The following C10orf90 variants were observed in gnomAD, a reference collection of about 807,000 sequenced individuals.
The protein encoded by C10orf90 is chromosome 10 open reading frame 90, also known as (E2-independent) E3 ubiquitin-conjugating enzyme FATS.
A neutral mutation model predicts 62.5 loss-of-function variants in C10orf90; 56 were observed. That is an observed-to-expected ratio of 0.90 (90% CI 0.72 to 1.12). The LOEUF (loss-of-function observed/expected upper bound fraction) is 1.12, where lower values mean the gene tolerates loss of function less well. C10orf90 is among the 50% of genes most tolerant of loss of function. The pLI is 0.00. For missense variants in C10orf90, 970 were observed against 880.4 expected (o/e 1.10, Z -1.29); for synonymous variants, 386 against 340.4 (o/e 1.13, Z -1.47).
At chr10:126,576,700 T>TAC (rs1401481284) in intron 2 of C10orf90, among the ~76,000 whole-genome samples, 9 of 35,546 alleles carry the variant, frequency 2.5e-4, no homozygotes, top group East Asian at 5.3e-4. Context: ...CATGTATATG[T>TAC]ATATGTATAT....
intron 2 of C10orf90, among the ~76,000 whole-genome samples, chr10:126,555,577 G>T (rs534934219): frequency 2.0e-5 from 3 of 151,968 alleles, no homozygotes; most frequent in African/African-American, 7.3e-5. Flanking sequence ...TACTCGGGAG[G>T]CTGAGGCAGG....
At position 126,453,902 on chromosome 10, in the gene C10orf90, A is replaced by C. The variant is rs927061661; in HGVS notation, c.2188+5138T>G. 6.6e-6 allele frequency among the ~76,000 whole-genome samples: 1 copy of C among 152,076 alleles called. No homozygotes were observed. The highest frequency in any genetic ancestry group is 2.4e-5 in the African/African-American group (1 of 41,410). On this transcript the variant is annotated intron_variant, in intron 7 of 9. Coordinates refer to ENST00000488181, the MANE Select transcript of C10orf90 (RefSeq NM_001350921.2). This position sits in a 1 kb window ranked among gnomAD's most constrained non-coding sequence, Gnocchi z 4.9. ...ATCATGAGTGTTTTTGGAGTGAAGGAAGGACAGGAAATGAGACCAACTGGA... is the reference window on the plus strand; with the variant it reads ...ATCATGAGTGTTTTTGGAGTGAAGGCAGGACAGGAAATGAGACCAACTGGA...
intron 2 of C10orf90, among the ~76,000 whole-genome samples, chr10:126,527,352 C>A (rs6597776): frequency 0.89 from 135,175 of 152,244 alleles, 60,207 homozygotes; most frequent in African/African-American, 0.96. Context: ...GGCCATTTGC[C>A]TTTCTTCTTT....
In C10orf90 at chr10:126,504,981, C is replaced by T. The variant is rs373665713; in HGVS notation, c.510G>A (p.Pro170=). ...GTGCACGAGACTGAGCAATGGCACA[C>T]GGTAGGGGCAAGGAGGCCCTGTTTT... is the stretch of plus-strand genomic sequence containing the variant. The part of the protein sequence containing the change: ...SRENRASLPL[P]CAIAQSRAHH... The change falls in exon 4 of 10, where the codon CCG becomes CCA. Residue 170 remains proline, a synonymous_variant. Coordinates refer to ENST00000488181, the MANE Select transcript of C10orf90 (RefSeq NM_001350921.2). This position sits in a 1 kb window ranked among gnomAD's most constrained non-coding sequence, Gnocchi z 4.1. The T allele has an allele frequency of 6.2e-7, 1 of 1,614,226 alleles. No individual in the cohort carries two copies. The highest frequency in any genetic ancestry group is 8.5e-7 in the Non-Finnish European group (1 of 1,180,038).
In C10orf90 at chr10:126,501,713, C is replaced by T. The variant is rs556554659; in HGVS notation, c.1534+2244G>A. Among the ~76,000 whole-genome samples, 3 of 152,266 alleles carry T rather than the reference C, an allele frequency of 2.0e-5. No homozygotes were observed. In the South Asian group the frequency reaches 6.2e-4, roughly 32 times the overall value. The stretch of plus-strand genomic sequence containing the variant: ...TTCTTCCAAATGTGGTCTATATATA[C>T]ACCATGGACTACTACTAAGCCATTA... On this transcript the variant is annotated intron_variant, in intron 4 of 9. Coordinates refer to ENST00000488181, the MANE Select transcript of C10orf90 (RefSeq NM_001350921.2).
At chr10:126,457,583 T>C (rs1859667223) in intron 7 of C10orf90, among the ~76,000 whole-genome samples, 1 of 152,216 alleles carries the variant, frequency 6.6e-6, no homozygotes, top group Non-Finnish European at 1.5e-5. Context: ...ATGTGAGTCT[T>C]GAGCTCTAAA....
intron 2 of C10orf90, among the ~76,000 whole-genome samples, chr10:126,537,728 T>C (rs1864272082): frequency 6.6e-6 from 1 of 152,234 alleles, no homozygotes; most frequent in South Asian, 2.1e-4. Context: ...CTGAAGGTAA[T>C]TCCCAGGTTT....
chr10:126,520,042 T>A (rs1467213154), intron 2 of C10orf90: 1 of 152,364 alleles, frequency 6.6e-6, no homozygotes, highest in African/African-American at 2.4e-5. Context: ...ACCAAACGCC[T>A]GACTTCATCT....
chr10:126,530,124 A>C (rs1273544496), intron 2 of C10orf90, among the ~76,000 whole-genome samples: 1 of 152,224 alleles, frequency 6.6e-6, no homozygotes, highest in Non-Finnish European at 1.5e-5. Context: ...GAAAACAACA[A>C]AAATGTTCTT....
intron 1 of C10orf90, among the ~76,000 whole-genome samples, chr10:126,657,641 G>A (rs1344561155): frequency 6.9e-6 from 1 of 145,270 alleles, no homozygotes; most frequent in African/African-American, 2.6e-5. Flanking sequence ...TTGAGACAGA[G>A]TTTCACTCAT....
chr10:126,461,576 G>T lies in C10orf90; in HGVS notation c.1835C>A (p.Thr612Lys), dbSNP rs1208054650. 6.2e-7 allele frequency: 1 copy of T among 1,613,596 alleles called. No homozygotes were observed. Among genetic ancestry groups the T allele is most frequent in the South Asian group, 1.1e-5 (1 of 90,964 alleles). Residue 612 changes from threonine to lysine, a missense_variant, in exon 6 of 10, where the codon ACA becomes AAA. Physicochemically the swap from Thr to Lys is moderately conservative, Grantham distance 78 (BLOSUM62 -1). Transcript: ENST00000488181. The part of the protein sequence containing the change: ...IESKFPKGDY[T>K]CCDLVVKIKE... The stretch of plus-strand genomic sequence containing the variant: ...TATTTTTACAACCAAGTCACAGCAT[G>T]TGTAATCTCCTAGGAGAGAAGATTT...
chr10:126,562,338 T>C (rs1864921450), intron 2 of C10orf90, among the ~76,000 whole-genome samples: 1 of 152,028 alleles, frequency 6.6e-6, no homozygotes, highest in Admixed American at 6.6e-5. Flanking sequence ...GCTGGGCCTC[T>C]CCCTAGAGTG....
At chr10:126,618,501 C>G (rs1845586211) in intron 2 of C10orf90, among the ~76,000 whole-genome samples, 1 of 152,180 alleles carries the variant, frequency 6.6e-6, no homozygotes, top group Non-Finnish European at 1.5e-5. Context: ...TTAATTTACA[C>G]TTGCTTGATC....
chr10:126,482,221 T>C (rs917711804), intron 4 of C10orf90, among the ~76,000 whole-genome samples: 2 of 152,244 alleles, frequency 1.3e-5, no homozygotes, highest in African/African-American at 4.8e-5. Context: ...TCTTTTGTTA[T>C]AGGGGTATCA....
At chr10:126,566,697 G>A (rs1844397718) in intron 2 of C10orf90, among the ~76,000 whole-genome samples, 1 of 152,224 alleles carries the variant, frequency 6.6e-6, no homozygotes, top group Admixed American at 6.5e-5. Context: ...GCTGGTGCCT[G>A]TGGGGCAGTG....
At chr10:126,648,305 T>C (rs911921008) in intron 1 of C10orf90, among the ~76,000 whole-genome samples, 3 of 152,156 alleles carry the variant, frequency 2.0e-5, no homozygotes, top group African/African-American at 7.2e-5. Flanking sequence ...GATTTCAAAA[T>C]GCACAGGAAG....
chr10:126,505,584 C>T (rs144425434), intron 3 of C10orf90, among the ~76,000 whole-genome samples: 324 of 152,266 alleles, frequency 2.1e-3, no homozygotes, highest in African/African-American at 7.5e-3. Flanking sequence ...TCCACATTTG[C>T]CGGTTTAGAC....
intron 2 of C10orf90, among the ~76,000 whole-genome samples, chr10:126,579,075 A>ATTTT (rs1564880114): frequency 4.0e-5 from 6 of 151,226 alleles, no homozygotes; most frequent in Non-Finnish European, 2.9e-5. Context: ...TTTTTTTAAA[A>ATTTT]AAAAAAACCT....
intron 7 of C10orf90, among the ~76,000 whole-genome samples, chr10:126,441,144 A>C (rs949591159): frequency 6.6e-6 from 1 of 152,172 alleles, no homozygotes; most frequent in Non-Finnish European, 1.5e-5. Context: ...ATGATACAAG[A>C]AGTGAAGGGA....
Sources: allele counts gnomAD v4.1 joint callset (sites outside exome capture counted in the v4.1 genomes callset), GRCh38; gene constraint gnomAD v4.1.1; non-coding constraint Gnocchi (gnomAD v3.1); transcripts MANE v1.5; gene names NCBI Gene and HGNC (gene_info 2026-07-23, HGNC 2026-07-21).